RFC3: variants seen among roughly 807,000 people sequenced by gnomAD.
RFC3 encodes the protein A1 38 kDa subunit.
In RFC3, 41 loss-of-function variants were observed where a neutral mutation model predicts 45.1. The ratio of observed to expected loss-of-function variants is 0.91; its 90% CI spans 0.71 to 1.18. RFC3 has a LOEUF of 1.18. RFC3 is among the 50% of genes most tolerant of loss of function. RFC3 has a pLI of 0.00. For missense variants in RFC3, 423 were observed against 428.1 expected (o/e 0.99, Z 0.10); for synonymous variants, 149 against 144.0 (o/e 1.03, Z -0.25).
In RFC3 at chr13:33,933,850, A is replaced by G. The variant is rs536823822; in HGVS notation, c.880-32237A>G. 1.1e-4 allele frequency among the ~76,000 whole-genome samples: 16 copies of G among 152,158 alleles called. No homozygotes were observed. The East Asian group carries it at 2.5e-3, about 24-fold the overall frequency. On this transcript the variant is annotated intron_variant, in intron 8 of 8. Transcript: ENST00000434425. ...TTAAAATTTGGGGTTTTAAAGTTTC[A>G]TTGGCTAACTACGTTAAATTAAGAG...
chr13:33,904,785 G>A (rs977561022), intron 8 of RFC3, among the ~76,000 whole-genome samples: 3 of 152,092 alleles, frequency 2.0e-5, no homozygotes, highest in African/African-American at 4.8e-5. Context: ...TCAGAACACC[G>A]TTTCCTCAGA....
At chr13:33,953,056 G>A (rs1006089282) in intron 8 of RFC3, among the ~76,000 whole-genome samples, 10 of 151,996 alleles carry the variant, frequency 6.6e-5, no homozygotes, top group Non-Finnish European at 1.3e-4. Context: ...CTTTGAAGTC[G>A]TTAGCTCACA....
intron 8 of RFC3, among the ~76,000 whole-genome samples, chr13:33,965,497 T>C (rs1238060248): frequency 6.6e-6 from 1 of 152,150 alleles, no homozygotes; most frequent in Non-Finnish European, 1.5e-5. Flanking sequence ...CCAAGAAAGT[T>C]CACACAAGGA....
At chr13:33,853,317 T>C (rs1427980864) in intron 8 of RFC3, among the ~76,000 whole-genome samples, 5 of 152,160 alleles carry the variant, frequency 3.3e-5, no homozygotes, top group Admixed American at 2.0e-4. Context: ...ACCATAGATG[T>C]GCATTAGACT....
In RFC3 at chr13:33,861,978, G is replaced by C. The variant is rs140027365; in HGVS notation, c.879+26761G>C. Among the ~76,000 whole-genome samples, 111 of 152,282 alleles carry C rather than the reference G, an allele frequency of 7.3e-4. 1 individual carries two copies. Among genetic ancestry groups the C allele is most frequent in the African/African-American group, 2.6e-3 (109 of 41,550 alleles). On this transcript the variant is annotated intron_variant, in intron 8 of 8. Transcript: ENST00000434425. ...TTACTTCAGGTGTAGAAAGTTGCCTGTGAAAATATGCTTCTTGCAATTTCA... is the reference window on the plus strand; with the variant it reads ...TTACTTCAGGTGTAGAAAGTTGCCTCTGAAAATATGCTTCTTGCAATTTCA...
At chr13:33,939,903 A>G (rs1451510194) in intron 8 of RFC3, among the ~76,000 whole-genome samples, 1 of 152,078 alleles carries the variant, frequency 6.6e-6, no homozygotes, top group Non-Finnish European at 1.5e-5. Context: ...TATTTGTAAG[A>G]TCTGAGAGGG....
At chr13:33,880,847 G>T in intron 8 of RFC3, among the ~76,000 whole-genome samples, 1 of 152,184 alleles carries the variant, frequency 6.6e-6, no homozygotes, top group East Asian at 1.9e-4. Flanking sequence ...CACAAGGTCA[G>T]GAGTTCGAGA....
chr13:33,932,755 T>C (rs901155870), intron 8 of RFC3, among the ~76,000 whole-genome samples: 3 of 152,204 alleles, frequency 2.0e-5, no homozygotes, highest in Non-Finnish European at 2.9e-5. Flanking sequence ...CTAGTCTATG[T>C]ATTTTTTCTT....
At chr13:33,875,560 G>A (rs928116782) in intron 8 of RFC3, among the ~76,000 whole-genome samples, 4 of 152,126 alleles carry the variant, frequency 2.6e-5, no homozygotes, top group African/African-American at 9.7e-5. Context: ...AACCAAGAAG[G>A]GACTTGAAGG....
At chr13:33,825,358 AG>A (rs1461303895) in intron 3 of RFC3, among the ~76,000 whole-genome samples, 1 of 152,082 alleles carries the variant, frequency 6.6e-6, no homozygotes, top group Non-Finnish European at 1.5e-5. Context: ...GTTCTCTCTT[AG>A]ATCTTTGCTA....
rs930130070 is a variant in RFC3 at position 33,952,298 on chromosome 13, G to A, written c.880-13789G>A. On this transcript the variant is annotated intron_variant, in intron 8 of 8. Coordinates refer to the RFC3 transcript ENST00000434425. Reference sequence around the variant, plus strand: ...TTTATTGAAAAATCATCTAGAAGCAGTACTCTTTAAATCTCTTTCTGAATT... The same window carrying A: ...TTTATTGAAAAATCATCTAGAAGCAATACTCTTTAAATCTCTTTCTGAATT... Among the ~76,000 whole-genome samples the A allele has an allele frequency of 3.9e-5, 6 of 152,186 alleles. No homozygotes were observed. The East Asian group carries it at 9.6e-4, about 24-fold the overall frequency.
At chr13:33,829,676 T>C in intron 4 of RFC3, 160 bp from the exon 5 acceptor site, 1 of 646,246 alleles carries the variant, frequency 1.5e-6, no homozygotes, top group Non-Finnish European at 2.7e-6. Flanking sequence ...AATAATAAAG[T>C]AATTTTACCA....
intron 7 of RFC3, among the ~76,000 whole-genome samples, chr13:33,834,300 A>ATG (rs1173486959): frequency 0.018 from 57 of 3,232 alleles, no homozygotes; most frequent in Non-Finnish European, 0.073. Flanking sequence ...TACTGTGTGT[A>ATG]TATATATATA....
intron 8 of RFC3, among the ~76,000 whole-genome samples, chr13:33,899,148 A>C (rs2082620928): frequency 6.8e-6 from 1 of 146,662 alleles, no homozygotes; most frequent in African/African-American, 2.6e-5. Context: ...AATACTTTAA[A>C]CTCCTATGGA....
At chr13:33,837,611 T>G (rs1200865702), downstream of RFC3, 1 of 152,124 alleles carries the variant, frequency 6.6e-6, no homozygotes, top group African/African-American at 2.4e-5. Flanking sequence ...GTTGCTTAAC[T>G]TTCCTAAAGT....
At chr13:33,921,449 C>T (rs543993957) in intron 8 of RFC3, among the ~76,000 whole-genome samples, 136 of 152,124 alleles carry the variant, frequency 8.9e-4, no homozygotes, top group Non-Finnish European at 1.6e-3. Flanking sequence ...ACACAGAGGT[C>T]AAAAGACAGT....
In RFC3 at chr13:33,835,228, T is replaced by C; in HGVS notation, c.879+11T>C. On this transcript the variant is annotated intron_variant, in intron 8 of 8. Transcript: ENST00000380071. ...GAGATAATAATGAAGGTAACCCAATTTCAGATCTTGAACTTTTTACAGCTA... is the reference window on the plus strand; with the variant it reads ...GAGATAATAATGAAGGTAACCCAATCTCAGATCTTGAACTTTTTACAGCTA... 1 of 1,588,350 alleles carries C rather than the reference T, an allele frequency of 6.3e-7. No individual in the cohort carries two copies. The highest frequency in any genetic ancestry group is 8.6e-7 in the Non-Finnish European group (1 of 1,156,844).
In RFC3 at chr13:33,829,960, C is replaced by G; in HGVS notation, c.516C>G (p.Ile172Met). ...GCTGCAATTCTACATCTAAAGTGAT[C>G]CCACCTATTCGTAGTAGGTGCTTGG... ...ILCCNSTSKV[I>M]PPIRSRCLAV... The change falls in exon 5 of 9, where the codon ATC (isoleucine) becomes ATG (methionine). Residue 172 changes from isoleucine to methionine, a missense_variant. Physicochemically the swap from Ile to Met is conservative, Grantham distance 10 (BLOSUM62 1). Transcript: ENST00000380071. 6.2e-7 allele frequency: 1 copy of G among 1,614,062 alleles called. No individual in the cohort carries two copies. The highest frequency in any genetic ancestry group is 8.5e-7 in the Non-Finnish European group (1 of 1,179,910).
At chr13:33,972,013 G>C in the RFC3 span, among the ~76,000 whole-genome samples, 2 of 152,120 alleles carry the variant, frequency 1.3e-5, no homozygotes, top group Non-Finnish European at 2.9e-5. Flanking sequence ...TACTCTGGAG[G>C]CTGAGGCAAG....
Sources: gnomAD v4.1 joint callset for allele counts (sites outside exome capture counted in the v4.1 genomes callset) on GRCh38, gnomAD v4.1.1 for gene constraint, MANE v1.5 for transcripts, NCBI Gene and HGNC (gene_info 2026-07-23, HGNC 2026-07-21) for gene names.